Variants in NME7 observed in about 807,000 individuals in gnomAD.
NME7 encodes the protein NME/NM23 family member 7, also known as nucleoside diphosphate kinase 7.
A neutral mutation model predicts 49.1 loss-of-function variants in NME7; 41 were observed. The ratio of observed to expected loss-of-function variants is 0.83; its 90% CI spans 0.65 to 1.08. NME7 has a LOEUF of 1.08. Among genes scored for constraint, NME7 ranks in the 50% least tolerant of loss-of-function variants. The probability of loss-of-function intolerance (pLI) is 0.00; values close to 1 mark genes in which losing one functional copy is unlikely to be tolerated. For missense variants in NME7, 423 were observed against 463.4 expected (o/e 0.91, Z 0.80); for synonymous variants, 139 against 150.6 (o/e 0.92, Z 0.56).
chr1:169,323,788 A>G (rs1651945371), intron 2 of NME7, among the ~76,000 whole-genome samples: 1 of 151,486 alleles, frequency 6.6e-6, no homozygotes, highest in South Asian at 2.1e-4. Context: ...CTTATCTATA[A>G]TCACTTGTTT....
chr1:169,302,989 CAG>C (rs1438705033), intron 5 of NME7, 154 bp downstream of exon 5: 4 of 435,982 alleles, frequency 9.2e-6, no homozygotes, highest in Non-Finnish European at 8.3e-6. Context: ...AATAAAAAGA[CAG>C]AGAATATAAT....
intron 10 of NME7, among the ~76,000 whole-genome samples, chr1:169,189,888 T>G (rs907707771): frequency 2.6e-5 from 4 of 152,194 alleles, no homozygotes; most frequent in African/African-American, 9.6e-5. Context: ...CTACTGTTTA[T>G]GAACTCCTCA....
intron 7 of NME7, chr1:169,247,144 A>G (rs1648357657): frequency 2.2e-6 from 1 of 454,228 alleles, no homozygotes; most frequent in African/African-American, 2.0e-5. Flanking sequence ...TTTTAAAACA[A>G]GGACAGTCTA....
intron 10 of NME7, among the ~76,000 whole-genome samples, chr1:169,178,513 A>C (rs1320580007): frequency 6.6e-6 from 1 of 152,110 alleles, no homozygotes; most frequent in Non-Finnish European, 1.5e-5. Flanking sequence ...TCTTGAAATC[A>C]ATAGCTCCAG....
intron 7 of NME7, among the ~76,000 whole-genome samples, chr1:169,253,899 C>T (rs1333513291): frequency 1.3e-5 from 2 of 150,210 alleles, no homozygotes; most frequent in Non-Finnish European, 3.0e-5. Context: ...AGCCTTGCAT[C>T]CCAGGGATGA....
chr1:169,171,625 T>C (rs1041111497), intron 10 of NME7, among the ~76,000 whole-genome samples: 18 of 151,992 alleles, frequency 1.2e-4, no homozygotes, highest in Admixed American at 9.8e-4. Flanking sequence ...TAGCAGGGCA[T>C]GGTGGCACGC....
chr1:169,207,175 C>G (rs1660696117), intron 10 of NME7, among the ~76,000 whole-genome samples: 1 of 152,008 alleles, frequency 6.6e-6, no homozygotes, highest in Non-Finnish European at 1.5e-5. Flanking sequence ...GCAGAGATCA[C>G]AGGGTAAGGG....
chr1:169,307,876 C>T (rs780405625), intron 4 of NME7, among the ~76,000 whole-genome samples: 12 of 151,960 alleles, frequency 7.9e-5, no homozygotes, highest in South Asian at 2.1e-4. Flanking sequence ...AAAAATTACC[C>T]GGGCGTGGTG....
chr1:169,280,092 G>A (rs183940302), intron 7 of NME7, among the ~76,000 whole-genome samples: 110 of 152,218 alleles, frequency 7.2e-4, no homozygotes, highest in African/African-American at 2.4e-3. Flanking sequence ...GTGTAAAAGC[G>A]TTCCCATTTT....
intron 1 of NME7, among the ~76,000 whole-genome samples, chr1:169,329,229 C>T (rs1460586184): frequency 1.3e-5 from 2 of 151,950 alleles, no homozygotes; most frequent in African/African-American, 4.8e-5. Flanking sequence ...TTCTCTCCCA[C>T]ATATTCCTTA....
At chr1:169,365,305 T>G (rs1051489564) in intron 1 of NME7, among the ~76,000 whole-genome samples, 1 of 152,198 alleles carries the variant, frequency 6.6e-6, no homozygotes, top group Non-Finnish European at 1.5e-5. Context: ...ATCCTTCCAC[T>G]CAACTGCCTT....
intron 11 of NME7, among the ~76,000 whole-genome samples, chr1:169,138,041 T>C (rs890120976): frequency 5.3e-5 from 8 of 152,252 alleles, no homozygotes; most frequent in African/African-American, 1.9e-4. Context: ...CCGGGTGCAG[T>C]GGCTCATGCC....
At chr1:169,243,273 G>T (rs2101835439) in intron 7 of NME7, among the ~76,000 whole-genome samples, 1 of 152,172 alleles carries the variant, frequency 6.6e-6, no homozygotes, top group South Asian at 2.1e-4. Context: ...AAGTGCAAAA[G>T]CAATTCAAAT....
At chr1:169,172,664 A>G (rs1235328587) in intron 10 of NME7, among the ~76,000 whole-genome samples, 2 of 152,174 alleles carry the variant, frequency 1.3e-5, no homozygotes, top group African/African-American at 4.8e-5. Context: ...CCTATGGCCA[A>G]ATGTCTAAAC....
chr1:169,272,318 CAT>C (rs1339464292), intron 7 of NME7, among the ~76,000 whole-genome samples: 2 of 133,374 alleles, frequency 1.5e-5, no homozygotes, highest in South Asian at 2.3e-4. Flanking sequence ...TTCTGGGACA[CAT>C]GTGCATGATG....
At chr1:169,215,870 T>C (rs980676689) in intron 10 of NME7, among the ~76,000 whole-genome samples, 8 of 152,216 alleles carry the variant, frequency 5.3e-5, no homozygotes, top group Admixed American at 4.6e-4. Context: ...TACTAAATGA[T>C]CTCACCTATG....
chr1:169,150,478 A>G (rs1266398763), intron 11 of NME7, among the ~76,000 whole-genome samples: 1 of 152,210 alleles, frequency 6.6e-6, no homozygotes, highest in Admixed American at 6.5e-5. Context: ...CTCACTTAAT[A>G]TATTAACATT....
chr1:169,347,284 A>G (rs1167169311), intron 1 of NME7, among the ~76,000 whole-genome samples: 1 of 152,218 alleles, frequency 6.6e-6, no homozygotes, highest in East Asian at 1.9e-4. Flanking sequence ...GTAGTGAGCT[A>G]GGGAGTACCC....
intron 11 of NME7, among the ~76,000 whole-genome samples, chr1:169,154,663 TG>T (rs1320278855): frequency 6.6e-6 from 1 of 151,910 alleles, no homozygotes; most frequent in Non-Finnish European, 1.5e-5. Context: ...ATGGGCATGG[TG>T]GCGTGCACCT....
Sources: gnomAD v4.1 joint callset for allele counts (sites outside exome capture counted in the v4.1 genomes callset) on GRCh38, gnomAD v4.1.1 for gene constraint, MANE v1.5 for transcripts, NCBI Gene and HGNC (gene_info 2026-07-23, HGNC 2026-07-21) for gene names.